The following ALS2 variants were observed in gnomAD, a reference collection of about 807,000 sequenced individuals.
The protein encoded by ALS2 is alsin.
Under a neutral mutation model 203.4 loss-of-function variants are expected in ALS2, and 117 were observed. The ratio of observed to expected loss-of-function variants is 0.58; its 90% CI spans 0.50 to 0.67. The LOEUF is 0.67. Among genes scored for constraint, ALS2 ranks in the 30% least tolerant of loss-of-function variants. ALS2 has a pLI of 0.00. For missense variants in ALS2, 1,715 were observed against 1,989.4 expected (o/e 0.86, Z 2.62); for synonymous variants, 718 against 725.9 (o/e 0.99, Z 0.17).
chr2:201,706,516 A>G (rs1417307934), intron 29 of ALS2, among the ~76,000 whole-genome samples: 1 of 140,896 alleles, frequency 7.1e-6, no homozygotes, highest in Non-Finnish European at 1.5e-5. Flanking sequence ...ATAAAATACC[A>G]GGCAAAATAG....
At position 201,744,134 on chromosome 2, in the gene ALS2, C is replaced by T. The variant is rs182810788; in HGVS notation, c.2170+124G>A. ...AAATTGTTGACTACCTGTGTACACA[C>T]ACACAAAGACAGTGCATAGCAAGAA... On this transcript the variant is annotated intron_variant, in intron 10 of 33. Transcript: ENST00000264276. 7.7e-5 allele frequency: 84 copies of T among 1,087,468 alleles called. No individual in the cohort carries two copies. In the Admixed American group the frequency reaches 1.6e-3, roughly 21 times the overall value. 67.4% of individuals were successfully genotyped at this position (1,087,468 alleles called of 1,614,324 possible).
intron 1 of ALS2, among the ~76,000 whole-genome samples, chr2:201,769,329 A>C (rs1401718687): frequency 1.3e-5 from 2 of 152,234 alleles, no homozygotes; most frequent in Non-Finnish European, 2.9e-5. Context: ...GAATGCATGA[A>C]GACTTAAATA....
intron 25 of ALS2, among the ~76,000 whole-genome samples, chr2:201,713,620 A>C (rs1263277781): frequency 6.6e-6 from 1 of 152,124 alleles, no homozygotes. Context: ...ACAATAAGTG[A>C]TTTCGGTTAG....
rs1294234430 is a variant in ALS2, at chr2:201,707,951, G to A, written c.4321C>T (p.Pro1441Ser). 2 of 1,613,294 alleles carry A rather than the reference G, an allele frequency of 1.2e-6. No individual in the cohort carries two copies. Among genetic ancestry groups the A allele is most frequent in the South Asian group, 1.1e-5 (1 of 91,036 alleles). Residue 1441 changes from proline to serine, a missense_variant, in exon 28 of 34, where the codon CCT becomes TCT. Pro to Ser is a moderately conservative substitution (Grantham distance 74, BLOSUM62 -1). Coordinates refer to ENST00000264276, the MANE Select transcript of ALS2 (RefSeq NM_020919.4). ...TCGGTTGGCAGAGGAGCAGAGAGAG[G>A]AATTGTGCTGCCTTCTTCAGGCAGC... Reference protein sequence around the residue: ...PELPEEGSTIPLSAPLPTERK... With the variant: ...PELPEEGSTISLSAPLPTERK...
Position 201,704,528 on chromosome 2 carries a change from C to G in ALS2, c.4764G>C (p.Ala1588=), listed in dbSNP as rs35110478. ...TFEEISQSVL[A]SLHEDFLWSM... is the part of the protein sequence containing the mutation. ...ACCACAAGAAGTCTTCGTGGAGTGA[C>G]GCCAGGACACTCTGAGAGATCTCCT... Residue 1588 remains alanine, a synonymous_variant, in exon 32 of 34, where the codon GCG becomes GCC. Transcript: ENST00000264276. 10 of 1,614,042 alleles carry G rather than the reference C, an allele frequency of 6.2e-6. No individual in the cohort carries two copies. The highest frequency in any genetic ancestry group is 8.5e-6 in the Non-Finnish European group (10 of 1,179,968).
At chr2:201,740,444 T>C (rs571695533) in intron 11 of ALS2, among the ~76,000 whole-genome samples, 21 of 152,210 alleles carry the variant, frequency 1.4e-4, no homozygotes, top group African/African-American at 4.8e-4. Context: ...AGGCCTAAAG[T>C]ACCAGAGAAG....
Position 201,725,491 on chromosome 2 carries a change from A to T in ALS2, c.3249-37T>A, listed in dbSNP as rs1691110985. On this transcript the variant is annotated intron_variant, in intron 19 of 33. Transcript: ENST00000264276. Reference sequence around the variant, plus strand: ...AAGAAAAAATAACAAAAGAAGATGCATTTATGACATATTCACCTTTTGTAT... The same window carrying T: ...AAGAAAAAATAACAAAAGAAGATGCTTTTATGACATATTCACCTTTTGTAT... The T allele has an allele frequency of 2.0e-6, 3 of 1,499,722 alleles. No homozygotes were observed. In the East Asian group the frequency reaches 6.8e-5, roughly 34 times the overall value. The allele number at this position is 1,499,722 out of a possible 1,614,324, so 92.9% of individuals were successfully genotyped here.
chr2:201,732,609 G>C (rs1267013921), intron 13 of ALS2, among the ~76,000 whole-genome samples: 1 of 151,954 alleles, frequency 6.6e-6, no homozygotes, highest in Non-Finnish European at 1.5e-5. Context: ...AAACCTATAA[G>C]GGACTTTGGA....
chr2:201,718,022 G>A lies in ALS2; in HGVS notation c.3836+55C>T, dbSNP rs903650182. The A allele has an allele frequency of 2.9e-4, 461 of 1,579,892 alleles. 2 individuals are homozygous for A. Among genetic ancestry groups the A allele is most frequent in the Non-Finnish European group, 3.7e-4 (422 of 1,151,038 alleles). ...AAAATATTAACCAGCTTTGATAAAA[G>A]CAAGACAACTCCAAACATTCAATAA... is the stretch of plus-strand genomic sequence containing the variant. On this transcript the variant is annotated intron_variant, in intron 24 of 33. Transcript: ENST00000264276.
At chr2:201,768,995 C>A in intron 1 of ALS2, 50 bp from the exon 2 acceptor site, 2 of 883,530 alleles carry the variant, frequency 2.3e-6, no homozygotes, top group Non-Finnish European at 3.4e-6. Flanking sequence ...TTTTACCCCT[C>A]AGACATTAAA....
intron 1 of ALS2, among the ~76,000 whole-genome samples, chr2:201,769,657 GAGAT>G (rs1694282344): frequency 6.6e-6 from 1 of 152,162 alleles, no homozygotes; most frequent in African/African-American, 2.4e-5. Context: ...AATAAAATAA[GAGAT>G]AGAAAAATAA....
chr2:201,712,764 A>AT (rs2105976194), intron 25 of ALS2, among the ~76,000 whole-genome samples: 1 of 29,336 alleles, frequency 3.4e-5, no homozygotes, highest in South Asian at 2.7e-3. Context: ...AAAAAAAAAA[A>AT]GAAAAGAAGG....
intron 1 of ALS2, among the ~76,000 whole-genome samples, chr2:201,771,713 T>G (rs1478327451): frequency 6.6e-6 from 1 of 152,242 alleles, no homozygotes; most frequent in African/African-American, 2.4e-5. Context: ...AATTTCTGTA[T>G]GTTATTTCAT....
At chr2:201,757,814 G>A (rs1693492143) in intron 4 of ALS2, 55 bp from the exon 5 acceptor site, 5 of 1,354,586 alleles carry the variant, frequency 3.7e-6, no homozygotes, top group Non-Finnish European at 5.1e-6. Flanking sequence ...TATGCAACAA[G>A]CAATCAATAA....
chr2:201,754,744 T>A (rs1693280552), intron 5 of ALS2, 73 bp from the exon 6 acceptor site: 2 of 1,541,712 alleles, frequency 1.3e-6, no homozygotes, highest in African/African-American at 1.4e-5. Flanking sequence ...TTGGACAAAC[T>A]TAAGATTTTC....
rs180758472 is a variant in ALS2 at position 201,707,873 on chromosome 2, G to A, written c.4399C>T (p.Pro1467Ser). 1 of 1,613,010 alleles carries A rather than the reference G, an allele frequency of 6.2e-7. No homozygotes were observed. Among genetic ancestry groups the A allele is most frequent in the African/African-American group, 1.3e-5 (1 of 74,834 alleles). Reference protein sequence around the residue: ...KSDSRSESPEPGYVVTSSGLL... With the variant: ...KSDSRSESPESGYVVTSSGLL... ...TCCCCACCCAACTCCATTTACCCTG[G>A]CTCTGGTGATTCAGATCGGGAATCT... is the stretch of plus-strand genomic sequence containing the variant. Residue 1467 changes from proline (P) to serine (S), a missense_variant, in exon 28 of 34, where the codon CCA becomes TCA. Around this residue, in one of 3 missense-constraint regions of ALS2, gnomAD observed 1,227 missense variants for 1,413.5 expected, o/e 0.87. Transcript: ENST00000264276.
chr2:201,776,794 C>T (rs974625935), intron 1 of ALS2, among the ~76,000 whole-genome samples: 4 of 152,126 alleles, frequency 2.6e-5, no homozygotes, highest in African/African-American at 4.8e-5. Flanking sequence ...ATATTATTCT[C>T]GTGATACAAG....
chr2:201,764,686 A>AAAT (rs879746657), intron 3 of ALS2, among the ~76,000 whole-genome samples: 107 of 144,148 alleles, frequency 7.4e-4, no homozygotes, highest in Admixed American at 4.8e-3. Context: ...AATAAATAAA[A>AAAT]GTGAATCAAT....
intron 33 of ALS2, among the ~76,000 whole-genome samples, chr2:201,703,501 T>G (rs1456063121): frequency 6.6e-6 from 1 of 152,216 alleles, no homozygotes; most frequent in Non-Finnish European, 1.5e-5. Context: ...TTTTATAAAT[T>G]TTACTAACTG....
Sources: gnomAD v4.1 joint callset for allele counts (sites outside exome capture counted in the v4.1 genomes callset) on GRCh38, gnomAD v4.1.1 for gene constraint, gnomAD v4.1.1 regional missense constraint, MANE v1.5 for transcripts, NCBI Gene and HGNC (gene_info 2026-07-23, HGNC 2026-07-21) for gene names.